The following INSRR variants were observed in gnomAD, a reference collection of about 807,000 sequenced individuals.
INSRR encodes the protein insulin receptor related receptor.
Under a neutral mutation model 130.0 loss-of-function variants are expected in INSRR, and 114 were observed. The observed-to-expected ratio is 0.88, with a 90% CI of 0.75 to 1.02. The LOEUF is 1.02. Among genes scored for constraint, INSRR ranks in the 50% least tolerant of loss-of-function variants. The probability of loss-of-function intolerance (pLI) is 0.00; values close to 1 mark genes in which losing one functional copy is unlikely to be tolerated. For synonymous variants in INSRR, 674 were observed against 705.2 expected, an observed-to-expected ratio of 0.96 and a Z score of 0.70; for missense variants, 1,657 against 1,735.2, an observed-to-expected ratio of 0.95 and a Z score of 0.80.
Position 156,845,158 on chromosome 1 carries a change from G to T in INSRR, c.2355C>A (p.Ile785=), listed in dbSNP as rs192169476. Residue 785 remains isoleucine (I), a synonymous_variant, in exon 12 of 22, where the codon ATC becomes ATA. Coordinates refer to ENST00000368195, the MANE Select transcript of INSRR (RefSeq NM_014215.3). ...CCGCGTGGTTGCAGGCATGGATGTCGATCCGGTATTCCGTGAAGTGGCGCA... is the reference window on the plus strand; with the variant it reads ...CCGCGTGGTTGCAGGCATGGATGTCTATCCGGTATTCCGTGAAGTGGCGCA... ...SGLRHFTEYR[I]DIHACNHAAH... is the part of the protein sequence containing the mutation. The T allele has an allele frequency of 4.7e-4, 752 of 1,611,690 alleles. 16 individuals carry two copies. The South Asian group carries it at 7.9e-3, about 17-fold the overall frequency.
At chr1:156,843,759 C>G (rs1654886888) in intron 15 of INSRR, among the ~76,000 whole-genome samples, 1 of 152,248 alleles carries the variant, frequency 6.6e-6, no homozygotes, top group Non-Finnish European at 1.5e-5. Flanking sequence ...CCCCATTTTC[C>G]TCTTGCAGTC....
chr1:156,848,820 C>T, intron 7 of INSRR, 101 bp downstream of exon 7: 1 of 1,418,102 alleles, frequency 7.1e-7, no homozygotes, highest in Non-Finnish European at 9.5e-7. Context: ...CTTCCTGGGT[C>T]TTCATAGCCT....
chr1:156,846,261 A>C (rs1655004625), intron 8 of INSRR, 142 bp from the exon 9 acceptor site: 2 of 944,506 alleles, frequency 2.1e-6, no homozygotes, highest in South Asian at 3.5e-5. Context: ...CCTAGAACTC[A>C]GTGTTTTGTT....
At chr1:156,855,192 CTATCTATCT>C (rs1171997284) in intron 1 of INSRR, among the ~76,000 whole-genome samples, 1,843 of 151,634 alleles carry the variant, frequency 0.012, 41 homozygotes, top group African/African-American at 0.043. Context: ...ATCTATCTAT[CTATCTATCT>C]ATCTATCTAT....
Position 156,844,703 on chromosome 1 carries a change from C to G in INSRR, c.2574+4G>C, listed in dbSNP as rs1225977171. On this transcript the variant is annotated splice_donor_region_variant and intron_variant, in intron 13 of 21. Transcript: ENST00000368195. ...GCTGGGACGGGGGTCCCACGGGCAC[C>G]TACCTCTCCCAAGCGGCGGTACTTG... 1 of 1,614,116 alleles carries G rather than the reference C, an allele frequency of 6.2e-7. No individual in the cohort carries two copies. Among genetic ancestry groups the G allele is most frequent in the South Asian group, 1.1e-5 (1 of 91,072 alleles).
rs778231001 is a variant in INSRR at position 156,843,033 on chromosome 1, C to A, written c.3097G>T (p.Val1033Phe). 7.4e-6 allele frequency: 12 copies of A among 1,614,008 alleles called. No homozygotes were observed. The East Asian group carries it at 2.5e-4, about 33-fold the overall frequency. ...TGGTGACACTTGAAGGCTTTCATGA[C>A]AGAAGCTTCCTTGAGGAACTCAATG... ...ECIEFLKEAS[V>F]MKAFKCHHVV... The change falls in exon 17 of 22, where the codon GTC becomes TTC. Residue 1033 changes from valine to phenylalanine, a missense_variant. Val to Phe is a conservative substitution (Grantham distance 50, BLOSUM62 -1). Transcript: ENST00000368195.
intron 14 of INSRR, 40 bp from the exon 15 acceptor site, chr1:156,844,320 T>G (rs1230998552): frequency 6.3e-7 from 1 of 1,580,842 alleles, no homozygotes; most frequent in Admixed American, 1.7e-5. Flanking sequence ...GTCAAAGATG[T>G]AGAAGTCAGA....
chr1:156,850,249 T>C (rs1464645937), intron 5 of INSRR, among the ~76,000 whole-genome samples: 2 of 152,092 alleles, frequency 1.3e-5, no homozygotes, highest in African/African-American at 4.8e-5. Flanking sequence ...TCTCCCTCTG[T>C]CACCCAGGCT....
chr1:156,840,720 C>A lies in INSRR; in HGVS notation c.*153G>T. The stretch of plus-strand genomic sequence containing the variant: ...CCTATGGTGAGACCCCTCTGCCCAC[C>A]CCCACAGCCTTCCCTGCTCCTGTTC... On this transcript the variant is annotated 3_prime_UTR_variant, in exon 22 of 22. Transcript: ENST00000368195. 3.1e-6 allele frequency: 2 copies of A among 655,490 alleles called. No individual in the cohort carries two copies. 40.6% of individuals were successfully genotyped at this position (655,490 alleles called of 1,614,324 possible). A position where few individuals can be genotyped will look rare whatever the true frequency, so the allele number is the denominator to read the frequency against.
Position 156,840,964 on chromosome 1 carries a change from G to T in INSRR, c.3803C>A (p.Ala1268Asp). Residue 1268 changes from alanine to aspartate, a missense_variant, in exon 22 of 22, where the codon GCC becomes GAC. Transcript: ENST00000368195. ...SFYYSPECRG[A>D]RGSLPTTDAE... ...ATCGGTGGTAGGCAGGGAGCCCCGG[G>T]CCCCCCGGCATTCCGGGCTGTAGTA... The T allele has an allele frequency of 6.2e-7, 1 of 1,613,908 alleles. No homozygotes were observed.
chr1:156,845,785 G>T lies in INSRR; in HGVS notation c.2008C>A (p.Pro670Thr). The T allele has an allele frequency of 6.2e-7, 1 of 1,613,002 alleles. No homozygotes were observed. The highest frequency in any genetic ancestry group is 2.2e-5 in the East Asian group (1 of 44,856). The change falls in exon 10 of 22, where the codon CCG becomes ACG. Residue 670 changes from proline (P) to threonine (T), a missense_variant. By Grantham distance (38) the Pro-to-Thr change is conservative (BLOSUM62 -1). Coordinates refer to ENST00000368195, the MANE Select transcript of INSRR (RefSeq NM_014215.3). ...GLRLPTSNND[P>T]RFDGEDGDPE... ...TCCCCGTCTTCGCCGTCGAAGCGCG[G>T]ATCGTTGTTGCTGGTGGGCAGCCGC...
chr1:156,846,654 C>G lies in INSRR; in HGVS notation c.1675G>C (p.Gly559Arg), dbSNP rs1309275658. ...ELPLSRTQEP[G>R]VTLASLKPWT... ...GGCTTGAGGGAGGCTAGGGTCACCC[C>G]TGGCTCCTGGGTGCGGCTTAGGGGC... is the stretch of plus-strand genomic sequence containing the variant. The change falls in exon 8 of 22, where the codon GGG (glycine) becomes CGG (arginine). Residue 559 changes from glycine (G) to arginine (R), a missense_variant. Physicochemically the swap from Gly to Arg is moderately radical, Grantham distance 125 (BLOSUM62 -2). Transcript: ENST00000368195. 4 of 1,614,194 alleles carry G rather than the reference C, an allele frequency of 2.5e-6. No homozygotes were observed. The highest frequency in any genetic ancestry group is 3.4e-6 in the Non-Finnish European group (4 of 1,180,022).
chr1:156,851,262 A>G (rs749458283), intron 5 of INSRR, 28 bp downstream of exon 5: 16 of 1,613,636 alleles, frequency 9.9e-6, no homozygotes, highest in East Asian at 4.5e-5. Flanking sequence ...GTGTAATAGA[A>G]GGAGCTGGTC....
chr1:156,845,205 C>T lies in INSRR; in HGVS notation c.2308G>A (p.Glu770Lys), dbSNP rs1175158309. 1 of 1,609,552 alleles carries T rather than the reference C, an allele frequency of 6.2e-7. No homozygotes were observed. Among genetic ancestry groups the T allele is most frequent in the Non-Finnish European group, 8.5e-7 (1 of 1,178,218 alleles). The change falls in exon 12 of 22, where the codon GAG becomes AAG. Residue 770 changes from glutamate (E) to lysine (K), a missense_variant. Coordinates refer to ENST00000368195, the MANE Select transcript of INSRR (RefSeq NM_014215.3). ...CGCAGGCCGCTCAGCACCGCTCGCT[C>T]ACGGGGCACCTTGTCCTCCTGGATC... ...FEIQEDKVPR[E>K]RAVLSGLRHF...
rs1228237198 is a variant in INSRR, at chr1:156,845,937, G to T, written c.1978+15C>A. Reference sequence around the variant, plus strand: ...CACCCGCCCCGCGGCCGGCCTGCGCGTCGTCCCTGCGCACCGCGGTGGCAG... The same window carrying T: ...CACCCGCCCCGCGGCCGGCCTGCGCTTCGTCCCTGCGCACCGCGGTGGCAG... On this transcript the variant is annotated intron_variant, in intron 9 of 21. Transcript: ENST00000368195. 1 of 1,608,386 alleles carries T rather than the reference G, an allele frequency of 6.2e-7. No individual in the cohort carries two copies. The highest frequency in any genetic ancestry group is 1.3e-5 in the African/African-American group (1 of 74,868).
Position 156,841,673 on chromosome 1 carries a change from C to G in INSRR, c.3519G>C (p.Ser1173=), listed in dbSNP as rs761696263. Residue 1173 remains serine (S), a synonymous_variant, in exon 20 of 22, where the codon TCG becomes TCC. Transcript: ENST00000368195. ...SLKDGIFTTH[S]DVWSFGVVLW... is the part of the protein sequence containing the mutation. The stretch of plus-strand genomic sequence containing the variant: ...CTCCAGCTCGGCCCCACCAGACATC[C>G]GAGTGGGTGGTGAAGATCCCATCTT... The G allele has an allele frequency of 5.0e-6, 8 of 1,613,968 alleles. No homozygotes were observed. In the South Asian group the frequency reaches 7.7e-5, roughly 16 times the overall value.
chr1:156,840,779 T>C lies in INSRR; in HGVS notation c.*94A>G. 1 of 937,612 alleles carries C rather than the reference T, an allele frequency of 1.1e-6. No homozygotes were observed. The highest frequency in any genetic ancestry group is 1.5e-5 in the South Asian group (1 of 68,270). 58.1% of individuals were successfully genotyped at this position (937,612 alleles called of 1,614,324 possible). On this transcript the variant is annotated 3_prime_UTR_variant, in exon 22 of 22. Coordinates refer to ENST00000368195, the MANE Select transcript of INSRR (RefSeq NM_014215.3). The stretch of plus-strand genomic sequence containing the variant: ...ACCCTCGGCCATCCCTTGCCCTGAG[T>C]TGGGGTGGGGGTGAACATTCAGGCG...
Position 156,844,608 on chromosome 1 carries a change from C to T in INSRR, c.2591G>A (p.Cys864Tyr). 6.2e-7 allele frequency: 1 copy of T among 1,614,162 alleles called. No individual in the cohort carries two copies. Among genetic ancestry groups the T allele is most frequent in the Non-Finnish European group, 8.5e-7 (1 of 1,180,014 alleles). The change falls in exon 14 of 22, where the codon TGT becomes TAT. Residue 864 changes from cysteine (C) to tyrosine (Y), a missense_variant. By Grantham distance (194) the Cys-to-Tyr change is radical (BLOSUM62 -2). Transcript: ENST00000368195. The part of the protein sequence containing the change: ...RRLGEEATVL[C>Y]VSRLRYAKFG... ...CTTCGCATATCGAAGACGGGACACACACAGCACTGTGGCCTCCTGAGAGTA... is the reference window on the plus strand; with the variant it reads ...CTTCGCATATCGAAGACGGGACACATACAGCACTGTGGCCTCCTGAGAGTA...
Position 156,854,391 on chromosome 1 carries a change from G to A in INSRR, c.86-88C>T. On this transcript the variant is annotated intron_variant, in intron 1 of 21. Coordinates refer to ENST00000368195, the MANE Select transcript of INSRR (RefSeq NM_014215.3). This position sits in a 1 kb window ranked among gnomAD's most constrained non-coding sequence, Gnocchi z 4.2. ...GGCAGCTTTGGAGGGGAGCCACACTGGCAGTAGGACAATGAGTGAGGAGCC... is the reference window on the plus strand; with the variant it reads ...GGCAGCTTTGGAGGGGAGCCACACTAGCAGTAGGACAATGAGTGAGGAGCC... 7.6e-7 allele frequency: 1 copy of A among 1,322,216 alleles called. No individual in the cohort carries two copies. Among genetic ancestry groups the A allele is most frequent in the Non-Finnish European group, 1.0e-6 (1 of 972,092 alleles). The allele number at this position is 1,322,216 out of a possible 1,614,324, so 81.9% of individuals were successfully genotyped here.
Sources: allele counts gnomAD v4.1 joint callset (sites outside exome capture counted in the v4.1 genomes callset), GRCh38; gene constraint gnomAD v4.1.1; non-coding constraint Gnocchi (gnomAD v3.1); transcripts MANE v1.5; gene names NCBI Gene and HGNC (gene_info 2026-07-23, HGNC 2026-07-21).